The following FSTL4 variants were observed in gnomAD, a reference collection of about 807,000 sequenced individuals.
FSTL4 encodes follistatin-related protein 4.
In FSTL4, 28 loss-of-function variants were observed where a neutral mutation model predicts 78.2. The ratio of observed to expected loss-of-function variants is 0.36; its 90% confidence interval spans 0.27 to 0.49. The LOEUF (loss-of-function observed/expected upper bound fraction) is 0.49, where lower values mean the gene tolerates loss of function less well. FSTL4 is among the 20% of genes least tolerant of loss of function. The probability of loss-of-function intolerance (pLI) is 0.98; values close to 1 mark genes in which losing one functional copy is unlikely to be tolerated. For synonymous variants in FSTL4, 422 were observed against 440.5 expected, an observed-to-expected ratio of 0.96 and a Z score of 0.53; for missense variants, 922 against 1,084.9, an observed-to-expected ratio of 0.85 and a Z score of 2.11.
intron 1 of FSTL4, among the ~76,000 whole-genome samples, chr5:133,608,378 C>T (rs17166869): frequency 0.075 from 11,473 of 152,262 alleles, 457 homozygotes; most frequent in South Asian, 0.18. Context: ...ACCAGAGCTT[C>T]AACAGACATT....
the FSTL4 span, among the ~76,000 whole-genome samples, chr5:133,649,317 A>G: frequency 6.6e-6 from 1 of 152,230 alleles, no homozygotes; most frequent in Non-Finnish European, 1.5e-5. Flanking sequence ...TAAAGCTGCT[A>G]TAAATATCCA....
At chr5:133,382,695 G>T (rs1164736786) in intron 4 of FSTL4, among the ~76,000 whole-genome samples, 3 of 152,182 alleles carry the variant, frequency 2.0e-5, no homozygotes, top group Non-Finnish European at 4.4e-5. Flanking sequence ...ATTTCAGACT[G>T]TCTCAACTCT....
At chr5:133,758,052 C>T in the FSTL4 span, among the ~76,000 whole-genome samples, 2 of 152,166 alleles carry the variant, frequency 1.3e-5, no homozygotes, top group African/African-American at 2.4e-5. Context: ...GTAATGTTTG[C>T]TTTTATTTCC....
chr5:133,728,825 G>A, the FSTL4 span, among the ~76,000 whole-genome samples: 1 of 151,618 alleles, frequency 6.6e-6, no homozygotes, highest in Non-Finnish European at 1.5e-5. Flanking sequence ...AGAGAAGGAA[G>A]GGAGGGTGGG....
chr5:133,613,360 G>A (rs1761144292), upstream of FSTL4, among the ~76,000 whole-genome samples: 1 of 152,222 alleles, frequency 6.6e-6, no homozygotes, highest in Non-Finnish European at 1.5e-5. Flanking sequence ...CTTTCTGAGG[G>A]CCTGCCTCCT....
At chr5:133,703,199 C>G in the FSTL4 span, among the ~76,000 whole-genome samples, 14 of 152,324 alleles carry the variant, frequency 9.2e-5, no homozygotes, top group East Asian at 2.3e-3. Context: ...ACAGTAAAAA[C>G]CTTTTATGGC....
chr5:133,488,931 A>G (rs1175822545), intron 3 of FSTL4, among the ~76,000 whole-genome samples: 1 of 152,170 alleles, frequency 6.6e-6, no homozygotes, highest in Non-Finnish European at 1.5e-5. Flanking sequence ...TGAAAACTCC[A>G]AAGCTCCTGC....
chr5:133,567,125 G>A, intron 3 of FSTL4, 61 bp downstream of exon 3: 1 of 1,203,830 alleles, frequency 8.3e-7, no homozygotes, highest in South Asian at 1.2e-5. Flanking sequence ...CTTAGTTTCA[G>A]CAAACTACTT....
chr5:133,674,902 A>G, the FSTL4 span, among the ~76,000 whole-genome samples: 11,290 of 152,248 alleles, frequency 0.074, 486 homozygotes, highest in Admixed American at 0.12. Context: ...AACCTATTCA[A>G]TGCACTTGTA....
At chr5:133,629,732 A>G in the FSTL4 span, among the ~76,000 whole-genome samples, 8 of 152,348 alleles carry the variant, frequency 5.3e-5, no homozygotes, top group East Asian at 7.7e-4. Flanking sequence ...ACGAACATCA[A>G]TGCAAAAATC....
chr5:133,697,351 C>T, the FSTL4 span, among the ~76,000 whole-genome samples: 1 of 152,144 alleles, frequency 6.6e-6, no homozygotes, highest in South Asian at 2.1e-4. Flanking sequence ...CAGATGCAGC[C>T]TCTCCACCAG....
At chr5:133,506,800 C>A (rs1038100372) in intron 3 of FSTL4, among the ~76,000 whole-genome samples, 5 of 152,158 alleles carry the variant, frequency 3.3e-5, no homozygotes, top group Non-Finnish European at 1.5e-5. Flanking sequence ...TGAGGTCATT[C>A]AATAAATATT....
At chr5:133,776,071 CAA>C in the FSTL4 span, among the ~76,000 whole-genome samples, 1 of 152,284 alleles carries the variant, frequency 6.6e-6, no homozygotes, top group African/African-American at 2.4e-5. Flanking sequence ...TTTTCCCTGA[CAA>C]GAGAGTAGAG....
intron 2 of FSTL4, among the ~76,000 whole-genome samples, chr5:133,591,715 AG>A (rs1760630945): frequency 1.3e-5 from 2 of 152,132 alleles, no homozygotes; most frequent in African/African-American, 4.8e-5. Flanking sequence ...AGCTGCAGCA[AG>A]GGCTACACTC....
Position 133,329,186 on chromosome 5 carries a change from C to T in FSTL4, c.410-12534G>A, listed in dbSNP as rs140150179. On this transcript the variant is annotated intron_variant, in intron 4 of 15. Coordinates refer to ENST00000265342, the MANE Select transcript of FSTL4 (RefSeq NM_015082.2). ...AAGGAGTCTCTATAAACGGTCTCAA[C>T]AAGGGCAGTGCTGTCCCCAAGAGGC... Among the ~76,000 whole-genome samples the T allele has an allele frequency of 2.8e-3, 429 of 152,268 alleles. 1 individual carries two copies. The highest frequency in any genetic ancestry group is 9.1e-3 in the African/African-American group (377 of 41,550).
chr5:133,455,883 A>G (rs940420382), intron 3 of FSTL4, among the ~76,000 whole-genome samples: 1 of 152,210 alleles, frequency 6.6e-6, no homozygotes, highest in African/African-American at 2.4e-5. Flanking sequence ...CAGGAAGGGA[A>G]TGCCTCCAGC....
At chr5:133,601,080 G>A (rs973482210) in intron 2 of FSTL4, among the ~76,000 whole-genome samples, 2 of 152,152 alleles carry the variant, frequency 1.3e-5, no homozygotes, top group South Asian at 2.1e-4. Flanking sequence ...AAGCCTGTCC[G>A]GCCTGCAGGC....
the FSTL4 span, among the ~76,000 whole-genome samples, chr5:133,674,344 A>G: frequency 6.6e-6 from 1 of 152,122 alleles, no homozygotes; most frequent in Non-Finnish European, 1.5e-5. Context: ...CTATCTTCTT[A>G]ATGGTGGAGG....
the FSTL4 span, among the ~76,000 whole-genome samples, chr5:133,700,044 C>A: frequency 6.6e-6 from 1 of 152,172 alleles, no homozygotes; most frequent in African/African-American, 2.4e-5. Context: ...TTCATTCAGG[C>A]CCCTGCTGCA....
Sources: allele counts gnomAD v4.1 joint callset (sites outside exome capture counted in the v4.1 genomes callset), GRCh38; gene constraint gnomAD v4.1.1; transcripts MANE v1.5; gene names NCBI Gene and HGNC (gene_info 2026-07-23, HGNC 2026-07-21).